OLA1: variants seen among roughly 807,000 people sequenced by gnomAD.
OLA1 encodes Obg like ATPase 1.
Under a neutral mutation model 48.4 loss-of-function variants are expected in OLA1, and 14 were observed. That is an observed-to-expected ratio of 0.29 (90% confidence interval 0.19 to 0.45). The LOEUF (loss-of-function observed/expected upper bound fraction) is 0.45, where lower values mean the gene tolerates loss of function less well. Ranked by LOEUF, OLA1 falls within the 20% of genes least tolerant of loss-of-function variation. The probability of loss-of-function intolerance (pLI) is 1.00; values close to 1 mark genes in which losing one functional copy is unlikely to be tolerated. For missense variants in OLA1, 325 were observed against 467.1 expected (o/e 0.70, Z 2.80); for synonymous variants, 127 against 150.4 (o/e 0.84, Z 1.14).
At chr2:174,124,655 G>T (rs1306508125) in intron 5 of OLA1, among the ~76,000 whole-genome samples, 1 of 152,104 alleles carries the variant, frequency 6.6e-6, no homozygotes, top group Admixed American at 6.5e-5. Context: ...GTCTGTTGTT[G>T]TTGTTACTAA....
chr2:174,198,796 CTATATA>C (rs1046205616), intron 4 of OLA1, among the ~76,000 whole-genome samples: 5 of 151,596 alleles, frequency 3.3e-5, no homozygotes, highest in African/African-American at 1.2e-4. Context: ...TTCTCTCTGT[CTATATA>C]TATATAGTTT....
At chr2:174,087,854 A>T (rs1304584050) in intron 7 of OLA1, among the ~76,000 whole-genome samples, 2 of 152,216 alleles carry the variant, frequency 1.3e-5, no homozygotes, top group Non-Finnish European at 2.9e-5. Flanking sequence ...TAATAAAGCC[A>T]AGTTATATTA....
At chr2:174,151,596 T>C (rs762263334) in intron 4 of OLA1, among the ~76,000 whole-genome samples, 13 of 148,056 alleles carry the variant, frequency 8.8e-5, no homozygotes, top group Non-Finnish European at 1.8e-4. Flanking sequence ...AATATACTGC[T>C]AAAAAAAAAA....
At position 174,072,644 on chromosome 2, in the gene OLA1, G is replaced by A. The variant is rs367711613; in HGVS notation, c.*2782C>T. ...AGAAGAGGCAGGAGGAGGAGATACC[G>A]TCTCTGACTCTCTGAATGAAAGGAG... On this transcript the variant is annotated 3_prime_UTR_variant, in exon 11 of 11. Coordinates refer to ENST00000284719, the MANE Select transcript of OLA1 (RefSeq NM_013341.5). The A allele has an allele frequency of 8.5e-5, 13 of 152,168 alleles. No individual in the cohort carries two copies. The highest frequency in any genetic ancestry group is 3.3e-4 in the Admixed American group (5 of 15,280). The allele number at this position is 152,168 out of a possible 1,614,324, so 9.4% of individuals were successfully genotyped here. A position where few individuals can be genotyped will look rare whatever the true frequency, so the allele number is the denominator to read the frequency against.
chr2:174,145,199 AT>A (rs527655629), intron 4 of OLA1, among the ~76,000 whole-genome samples: 132 of 151,732 alleles, frequency 8.7e-4, no homozygotes, highest in Non-Finnish European at 1.3e-3. Context: ...GGAATATACT[AT>A]TTTTTTATAA....
chr2:174,106,286 T>A (rs1158256993), intron 7 of OLA1, among the ~76,000 whole-genome samples: 1 of 152,124 alleles, frequency 6.6e-6, no homozygotes, highest in African/African-American at 2.4e-5. Flanking sequence ...ATCTCATATA[T>A]AAATAAGTAA....
At chr2:174,167,403 C>T (rs775082716) in intron 4 of OLA1, among the ~76,000 whole-genome samples, 1 of 152,168 alleles carries the variant, frequency 6.6e-6, no homozygotes, top group Non-Finnish European at 1.5e-5. Flanking sequence ...TGGTGAAACC[C>T]TGTCTCTACT....
At chr2:174,107,797 T>C (rs1685549778) in intron 7 of OLA1, among the ~76,000 whole-genome samples, 1 of 152,090 alleles carries the variant, frequency 6.6e-6, no homozygotes, top group Admixed American at 6.6e-5. Flanking sequence ...AGAATATGAA[T>C]TGCTTAATTT....
chr2:174,216,129 T>C (rs1397614676), intron 4 of OLA1, among the ~76,000 whole-genome samples: 2 of 146,738 alleles, frequency 1.4e-5, no homozygotes, highest in African/African-American at 5.3e-5. Flanking sequence ...ACCCTGTATC[T>C]ACAAAAAAAA....
intron 10 of OLA1, among the ~76,000 whole-genome samples, chr2:174,078,365 C>T (rs1684792940): frequency 6.6e-6 from 1 of 151,906 alleles, no homozygotes; most frequent in Non-Finnish European, 1.5e-5. Flanking sequence ...ATTAATTTTG[C>T]AACAGAATTT....
chr2:174,180,541 T>A (rs1239061963), intron 4 of OLA1, among the ~76,000 whole-genome samples: 1 of 152,202 alleles, frequency 6.6e-6, no homozygotes, highest in Non-Finnish European at 1.5e-5. Context: ...AATGTGTTAT[T>A]CCTCAGATAA....
chr2:174,105,950 C>T (rs1009091469), intron 7 of OLA1, among the ~76,000 whole-genome samples: 12 of 152,030 alleles, frequency 7.9e-5, no homozygotes, highest in Non-Finnish European at 1.6e-4. Context: ...ACACACACAA[C>T]TATACAAGAA....
Position 174,229,434 on chromosome 2 carries a change from T to C in OLA1, c.119A>G (p.Asn40Ser), listed in dbSNP as rs777453022. 5 of 1,609,336 alleles carry C rather than the reference T, an allele frequency of 3.1e-6. 1 individual carries two copies. The South Asian group carries it at 3.4e-5, about 11-fold the overall frequency. ...LPNVGKSTFF[N>S]VLTNSQASAE... ...TGAAGCCTGACTATTGGTTAACACA[T>C]TGAAGAAAGTAGATTTCCTAAAACA... Residue 40 changes from asparagine (N) to serine (S), a missense_variant, in exon 3 of 11, where the codon AAT becomes AGT. Asn to Ser is a conservative substitution (Grantham distance 46). Coordinates refer to ENST00000284719, the MANE Select transcript of OLA1 (RefSeq NM_013341.5).
chr2:174,098,954 T>G (rs373896045), intron 7 of OLA1, among the ~76,000 whole-genome samples: 2 of 152,238 alleles, frequency 1.3e-5, no homozygotes, highest in East Asian at 3.9e-4. Flanking sequence ...CAAAGGCATT[T>G]TTTTTTCTTT....
At chr2:174,216,899 T>C (rs1427105599) in intron 4 of OLA1, among the ~76,000 whole-genome samples, 2 of 152,210 alleles carry the variant, frequency 1.3e-5, no homozygotes, top group Admixed American at 6.5e-5. Flanking sequence ...TGTAAGAATA[T>C]AGAATATAAA....
At chr2:174,138,317 G>C (rs1028907590) in intron 5 of OLA1, among the ~76,000 whole-genome samples, 1 of 152,154 alleles carries the variant, frequency 6.6e-6, no homozygotes, top group Non-Finnish European at 1.5e-5. Flanking sequence ...GTGTCTCAGG[G>C]AACACAGACA....
At chr2:174,207,364 G>C (rs1688140515) in intron 4 of OLA1, among the ~76,000 whole-genome samples, 1 of 152,114 alleles carries the variant, frequency 6.6e-6, no homozygotes, top group African/African-American at 2.4e-5. Context: ...AATTCAAACA[G>C]ATACAGAGGA....
chr2:174,082,135 G>T, intron 7 of OLA1, 71 bp from the exon 8 acceptor site: 1 of 1,503,500 alleles, frequency 6.7e-7, no homozygotes, highest in Non-Finnish European at 9.2e-7. Flanking sequence ...TTATTATCAA[G>T]TAGCACATAC....
chr2:174,189,363 T>C (rs1687726870), intron 4 of OLA1, among the ~76,000 whole-genome samples: 2 of 151,930 alleles, frequency 1.3e-5, no homozygotes, highest in South Asian at 4.1e-4. Context: ...AAAGCACAAA[T>C]GACAAACATG....
Sources: allele counts gnomAD v4.1 joint callset (sites outside exome capture counted in the v4.1 genomes callset), GRCh38; gene constraint gnomAD v4.1.1; transcripts MANE v1.5; gene names NCBI Gene and HGNC (gene_info 2026-07-23, HGNC 2026-07-21).